Variants in HEXIM1 observed in about 807,000 individuals in gnomAD.
HEXIM1 encodes protein HEXIM1.
A neutral mutation model predicts 30.3 loss-of-function variants in HEXIM1; 1 was observed. That is an observed-to-expected ratio of 0.03 (90% CI 0.01 to 0.16). The LOEUF (loss-of-function observed/expected upper bound fraction) is 0.16, where lower values mean the gene tolerates loss of function less well. Ranked by LOEUF, HEXIM1 falls within the 10% of genes least tolerant of loss-of-function variation. HEXIM1 has a pLI of 1.00. For missense variants in HEXIM1, 391 were observed against 476.4 expected (o/e 0.82, Z 1.67); for synonymous variants, 245 against 208.3 (o/e 1.18, Z -1.52).
Position 45,152,079 on chromosome 17 carries a change from T to C in HEXIM1, c.*1809T>C, listed in dbSNP as rs969848678. On this transcript the variant is annotated 3_prime_UTR_variant, in exon 1 of 1. Coordinates refer to ENST00000332499, the MANE Select transcript of HEXIM1 (RefSeq NM_006460.3). ...GAGTTTTTCTTTGGTCTAAAAATTA[T>C]ATTAAACATTTATTTTGAAATAGTT... 6.0e-6 allele frequency: 1 copy of C among 167,056 alleles called. No individual in the cohort carries two copies. Among genetic ancestry groups the C allele is most frequent in the African/African-American group, 2.4e-5 (1 of 41,452 alleles). 10.3% of individuals were successfully genotyped at this position (167,056 alleles called of 1,614,324 possible).
In HEXIM1 at chr17:45,149,121, A is replaced by T; in HGVS notation, c.-70A>T. The T allele has an allele frequency of 1.4e-6, 2 of 1,397,592 alleles. No homozygotes were observed. Among genetic ancestry groups the T allele is most frequent in the Non-Finnish European group, 1.9e-6 (2 of 1,046,138 alleles). 86.6% of individuals were successfully genotyped at this position (1,397,592 alleles called of 1,614,324 possible). On this transcript the variant is annotated 5_prime_UTR_variant, in exon 1 of 1. It adds an upstream start codon to the 5' untranslated region. Coordinates refer to ENST00000332499, the MANE Select transcript of HEXIM1 (RefSeq NM_006460.3). The surrounding 1 kb of genome is among the most constrained non-coding windows in gnomAD (Gnocchi z 5.3). ...TTTTTTTTTCTTTTTCTTTTTTTTA[A>T]GAAAAACCCATTTTTTTCCTTAAGG...
chr17:45,148,571 G>A lies in HEXIM1; in HGVS notation c.-620G>A. 2.5e-6 allele frequency: 1 copy of A among 399,484 alleles called. No homozygotes were observed. Among genetic ancestry groups the A allele is most frequent in the Admixed American group, 4.4e-5 (1 of 22,726 alleles). 24.7% of individuals were successfully genotyped at this position (399,484 alleles called of 1,614,324 possible). On this transcript the variant is annotated 5_prime_UTR_variant, in exon 1 of 1. Transcript: ENST00000332499. Reference sequence around the variant, plus strand: ...GTGGGAAGGGGGAGGAGGGAGGGAGGAAAAGAGGAGGAGGCGGAGGAGAAC... The same window carrying A: ...GTGGGAAGGGGGAGGAGGGAGGGAGAAAAAGAGGAGGAGGCGGAGGAGAAC...
chr17:45,151,793 C>CA lies in HEXIM1; in HGVS notation c.*1526dup, dbSNP rs1331388371. On this transcript the variant is annotated 3_prime_UTR_variant, in exon 1 of 1. Transcript: ENST00000332499. ...AGGTTCAAGAGATTCATAAGATTGT[C>CA]AAACTCCTTGAAGGTTCAGAACCTC... 2 of 167,064 alleles carry CA rather than the reference C, an allele frequency of 1.2e-5. No homozygotes were observed. Among genetic ancestry groups the CA allele is most frequent in the Non-Finnish European group, 2.9e-5 (2 of 68,100 alleles). The allele number at this position is 167,064 out of a possible 1,614,324, so 10.3% of individuals were successfully genotyped here. A position where few individuals can be genotyped will look rare whatever the true frequency, so the allele number is the denominator to read the frequency against.
In HEXIM1 at chr17:45,150,956, C is replaced by T. The variant is rs1324683411; in HGVS notation, c.*686C>T. On this transcript the variant is annotated 3_prime_UTR_variant, in exon 1 of 1. Coordinates refer to ENST00000332499, the MANE Select transcript of HEXIM1 (RefSeq NM_006460.3). ...AACAAACCGGTATTGAGTGTTTAGG[C>T]GAGTGGAAAGTGGCTACAATCCAAA... 3 of 167,082 alleles carry T rather than the reference C, an allele frequency of 1.8e-5. No homozygotes were observed. The highest frequency in any genetic ancestry group is 1.9e-4 in the East Asian group (1 of 5,194). 10.3% of individuals were successfully genotyped at this position (167,082 alleles called of 1,614,324 possible). A position where few individuals can be genotyped will look rare whatever the true frequency, so the allele number is the denominator to read the frequency against.
chr17:45,149,092 CTG>C lies in HEXIM1; in HGVS notation c.-97_-96del. The C allele has an allele frequency of 8.2e-6, 10 of 1,212,822 alleles. No individual in the cohort carries two copies. Among genetic ancestry groups the C allele is most frequent in the South Asian group, 1.5e-5 (1 of 67,494 alleles). The allele number at this position is 1,212,822 out of a possible 1,614,324, so 75.1% of individuals were successfully genotyped here. A position where few individuals can be genotyped will look rare whatever the true frequency, so the allele number is the denominator to read the frequency against. On this transcript the variant is annotated 5_prime_UTR_variant, in exon 1 of 1. Coordinates refer to ENST00000332499, the MANE Select transcript of HEXIM1 (RefSeq NM_006460.3). The surrounding 1 kb of genome is among the most constrained non-coding windows in gnomAD (Gnocchi z 5.3). Reference sequence around the variant, plus strand: ...ACAAACTGAAGAGGACTCTGTTGGACTGTTTTTTTTTTCTTTTTCTTTTTTTT... The same window carrying C: ...ACAAACTGAAGAGGACTCTGTTGGACTTTTTTTTTTCTTTTTCTTTTTTTT...
In HEXIM1 at chr17:45,149,951, G is replaced by C. The variant is rs781539082; in HGVS notation, c.761G>C (p.Gly254Ala). Residue 254 changes from glycine to alanine, a missense_variant, in exon 1 of 1, where the codon GGG becomes GCG. By Grantham distance (60) the Gly-to-Ala change is moderately conservative. Coordinates refer to ENST00000332499, the MANE Select transcript of HEXIM1 (RefSeq NM_006460.3). The surrounding 1 kb of genome is among the most constrained non-coding windows in gnomAD (Gnocchi z 5.3). ...EGGEEDGGSD[G>A]MGGDGSEFLQ... ...GGTGAGGAGGATGGGGGCAGCGATG[G>C]GATGGGAGGGGACGGCAGCGAGTTT... 1.2e-6 allele frequency: 2 copies of C among 1,613,984 alleles called. No individual in the cohort carries two copies. The highest frequency in any genetic ancestry group is 3.3e-5 in the Admixed American group (2 of 60,012).
At position 45,148,783 on chromosome 17, in the gene HEXIM1, C is replaced by T; in HGVS notation, c.-408C>T. On this transcript the variant is annotated 5_prime_UTR_variant, in exon 1 of 1. Transcript: ENST00000332499. ...GGGATTTAACCCTTTGTGGATCTGGCCCCTCGGAGGCAGCGTCATCGGTAG... is the reference window on the plus strand; with the variant it reads ...GGGATTTAACCCTTTGTGGATCTGGTCCCTCGGAGGCAGCGTCATCGGTAG... 1 of 403,086 alleles carries T rather than the reference C, an allele frequency of 2.5e-6. No homozygotes were observed. Among genetic ancestry groups the T allele is most frequent in the Non-Finnish European group, 4.4e-6 (1 of 228,350 alleles). The allele number at this position is 403,086 out of a possible 1,614,324, so 25.0% of individuals were successfully genotyped here.
Position 45,149,396 on chromosome 17 carries a change from C to T in HEXIM1, c.206C>T (p.Ser69Phe), listed in dbSNP as rs1346533085. ...CCGGAGGGGGAAGGGAGCCTGGAAT[C>T]CCAACCACCTCCCTTGCAGACCCAG... The part of the protein sequence containing the change: ...PGPEGEGSLE[S>F]QPPPLQTQAC... Residue 69 changes from serine to phenylalanine, a missense_variant, in exon 1 of 1, where the codon TCC becomes TTC. Coordinates refer to ENST00000332499, the MANE Select transcript of HEXIM1 (RefSeq NM_006460.3). This position sits in a 1 kb window ranked among gnomAD's most constrained non-coding sequence, Gnocchi z 5.3. 1.9e-6 allele frequency: 3 copies of T among 1,613,366 alleles called. No individual in the cohort carries two copies. Among genetic ancestry groups the T allele is most frequent in the Non-Finnish European group, 2.5e-6 (3 of 1,179,932 alleles).
chr17:45,149,098 TTTTTTTC>T lies in HEXIM1; in HGVS notation c.-87_-81del. On this transcript the variant is annotated 5_prime_UTR_variant, in exon 1 of 1. Transcript: ENST00000332499. This position sits in a 1 kb window ranked among gnomAD's most constrained non-coding sequence, Gnocchi z 5.3. ...TGAAGAGGACTCTGTTGGACTGTTT[TTTTTTTC>T]TTTTTCTTTTTTTTAAGAAAAACCC... The T allele has an allele frequency of 7.9e-7, 1 of 1,269,962 alleles. No homozygotes were observed. The highest frequency in any genetic ancestry group is 1.1e-6 in the Non-Finnish European group (1 of 939,438). 78.7% of individuals were successfully genotyped at this position (1,269,962 alleles called of 1,614,324 possible).
At position 45,150,922 on chromosome 17, in the gene HEXIM1, G is replaced by A. The variant is rs1412015214; in HGVS notation, c.*652G>A. On this transcript the variant is annotated 3_prime_UTR_variant, in exon 1 of 1. Transcript: ENST00000332499. ...TGCCTTGGTTTTCTTTCTTGATGCT[G>A]GAAAAATAAACAAACCGGTATTGAG... The A allele has an allele frequency of 6.0e-6, 1 of 166,932 alleles. No homozygotes were observed. The highest frequency in any genetic ancestry group is 1.9e-4 in the East Asian group (1 of 5,208). The allele number at this position is 166,932 out of a possible 1,614,324, so 10.3% of individuals were successfully genotyped here. A position where few individuals can be genotyped will look rare whatever the true frequency, so the allele number is the denominator to read the frequency against.
chr17:45,149,676 G>A lies in HEXIM1; in HGVS notation c.486G>A (p.Arg162=), dbSNP rs925151349. The A allele has an allele frequency of 6.2e-7, 1 of 1,612,324 alleles. No individual in the cohort carries two copies. The highest frequency in any genetic ancestry group is 1.7e-5 in the Admixed American group (1 of 59,992). ...GGAGACGCCCGTCCAAGAAGAAGCG[G>A]CATTGGAAACCGTACTACAAGCTGA... The part of the protein sequence containing the change: ...KHRRRPSKKK[R]HWKPYYKLTW... The change falls in exon 1 of 1, where the codon CGG becomes CGA. Residue 162 remains arginine, a synonymous_variant. Coordinates refer to ENST00000332499, the MANE Select transcript of HEXIM1 (RefSeq NM_006460.3). This position sits in a 1 kb window ranked among gnomAD's most constrained non-coding sequence, Gnocchi z 5.3.
rs1370086029 is a variant in HEXIM1 at position 45,150,810 on chromosome 17, G to C, written c.*540G>C. On this transcript the variant is annotated 3_prime_UTR_variant, in exon 1 of 1. Coordinates refer to ENST00000332499, the MANE Select transcript of HEXIM1 (RefSeq NM_006460.3). ...TTTTCAATTTGCCAATTTTTTCCTT[G>C]AATGGGTTTAAGTATGCTACAATAT... 2 of 169,254 alleles carry C rather than the reference G, an allele frequency of 1.2e-5. No individual in the cohort carries two copies. Among genetic ancestry groups the C allele is most frequent in the African/African-American group, 4.8e-5 (2 of 41,398 alleles). 10.5% of individuals were successfully genotyped at this position (169,254 alleles called of 1,614,324 possible). A position where few individuals can be genotyped will look rare whatever the true frequency, so the allele number is the denominator to read the frequency against.
At position 45,150,348 on chromosome 17, in the gene HEXIM1, A is replaced by G. The variant is rs1384866151; in HGVS notation, c.*78A>G. On this transcript the variant is annotated 3_prime_UTR_variant, in exon 1 of 1. Coordinates refer to ENST00000332499, the MANE Select transcript of HEXIM1 (RefSeq NM_006460.3). ...TGTAACATTATATACATGTGTATAT[A>G]AGACAGTGGACCTTTTTATGACACA... 6.7e-7 allele frequency: 1 copy of G among 1,496,194 alleles called. No individual in the cohort carries two copies. The highest frequency in any genetic ancestry group is 2.1e-5 in the Admixed American group (1 of 47,002). 92.7% of individuals were successfully genotyped at this position (1,496,194 alleles called of 1,614,324 possible).
chr17:45,150,272 C>T lies in HEXIM1; in HGVS notation c.*2C>T. 1 of 1,604,886 alleles carries T rather than the reference C, an allele frequency of 6.2e-7. No homozygotes were observed. The highest frequency in any genetic ancestry group is 8.5e-7 in the Non-Finnish European group (1 of 1,174,032). On this transcript the variant is annotated 3_prime_UTR_variant, in exon 1 of 1. Coordinates refer to ENST00000332499, the MANE Select transcript of HEXIM1 (RefSeq NM_006460.3). ...CCGCTTTCCAAGTTTGGAGACTAGACTGAAACTTTTTTGGGGGAGGGGGCA... is the reference window on the plus strand; with the variant it reads ...CCGCTTTCCAAGTTTGGAGACTAGATTGAAACTTTTTTGGGGGAGGGGGCA...
At position 45,151,563 on chromosome 17, in the gene HEXIM1, A is replaced by G. The variant is rs995115384; in HGVS notation, c.*1293A>G. Reference sequence around the variant, plus strand: ...CTAAATTTTGCCCCAAAATAAAAACAGAAATTATGAGATTGCCTCCTGTCA... The same window carrying G: ...CTAAATTTTGCCCCAAAATAAAAACGGAAATTATGAGATTGCCTCCTGTCA... On this transcript the variant is annotated 3_prime_UTR_variant, in exon 1 of 1. Transcript: ENST00000332499. The G allele has an allele frequency of 7.8e-5, 13 of 167,100 alleles. No homozygotes were observed. The highest frequency in any genetic ancestry group is 2.6e-4 in the Admixed American group (4 of 15,278). 10.4% of individuals were successfully genotyped at this position (167,100 alleles called of 1,614,324 possible).
Position 45,149,099 on chromosome 17 carries a change from T to G in HEXIM1, c.-92T>G. The G allele has an allele frequency of 6.3e-6, 8 of 1,274,848 alleles. No individual in the cohort carries two copies. The highest frequency in any genetic ancestry group is 5.8e-5 in the South Asian group (4 of 68,970). The allele number at this position is 1,274,848 out of a possible 1,614,324, so 79.0% of individuals were successfully genotyped here. On this transcript the variant is annotated 5_prime_UTR_variant, in exon 1 of 1. Coordinates refer to ENST00000332499, the MANE Select transcript of HEXIM1 (RefSeq NM_006460.3). The surrounding 1 kb of genome is among the most constrained non-coding windows in gnomAD (Gnocchi z 5.3). The stretch of plus-strand genomic sequence containing the variant: ...GAAGAGGACTCTGTTGGACTGTTTT[T>G]TTTTTCTTTTTCTTTTTTTTAAGAA...
At position 45,149,872 on chromosome 17, in the gene HEXIM1, C is replaced by A. The variant is rs1404212859; in HGVS notation, c.682C>A (p.Arg228=). ...PDLKTGLYSK[R]AAAKSDDTSD... ...TCTCAAAACCGGCCTGTACTCCAAG[C>A]GGGCCGCCGCCAAATCCGACGACAC... Residue 228 remains arginine, a synonymous_variant, in exon 1 of 1, where the codon CGG becomes AGG. Coordinates refer to ENST00000332499, the MANE Select transcript of HEXIM1 (RefSeq NM_006460.3). The surrounding 1 kb of genome is among the most constrained non-coding windows in gnomAD (Gnocchi z 5.3). 1 of 1,613,588 alleles carries A rather than the reference C, an allele frequency of 6.2e-7. No homozygotes were observed. The highest frequency in any genetic ancestry group is 1.3e-5 in the African/African-American group (1 of 74,954).
chr17:45,148,955 C>A lies in HEXIM1; in HGVS notation c.-236C>A, dbSNP rs986122663. On this transcript the variant is annotated 5_prime_UTR_variant, in exon 1 of 1. Coordinates refer to ENST00000332499, the MANE Select transcript of HEXIM1 (RefSeq NM_006460.3). ...GTTCCTGCCGCTGCACCCCCTTGGA[C>A]CCGCTAGCTGGCCGCACTGTGGGCG... is the stretch of plus-strand genomic sequence containing the variant. 2 of 519,240 alleles carry A rather than the reference C, an allele frequency of 3.9e-6. No individual in the cohort carries two copies. The highest frequency in any genetic ancestry group is 6.7e-6 in the Non-Finnish European group (2 of 297,126). 32.2% of individuals were successfully genotyped at this position (519,240 alleles called of 1,614,324 possible). A position where few individuals can be genotyped will look rare whatever the true frequency, so the allele number is the denominator to read the frequency against.
rs1295879661 is a variant in HEXIM1 at position 45,148,916 on chromosome 17, G to GCCCATTACGTACC, written c.-263_-262insCCCCATTACGTAC. 4 of 452,756 alleles carry GCCCATTACGTACC rather than the reference G, an allele frequency of 8.8e-6. No individual in the cohort carries two copies. Among genetic ancestry groups the GCCCATTACGTACC allele is most frequent in the Non-Finnish European group, 1.2e-5 (3 of 257,376 alleles). The allele number at this position is 452,756 out of a possible 1,614,324, so 28.0% of individuals were successfully genotyped here. A position where few individuals can be genotyped will look rare whatever the true frequency, so the allele number is the denominator to read the frequency against. On this transcript the variant is annotated 5_prime_UTR_variant, in exon 1 of 1. Transcript: ENST00000332499. ...GCTTGGAGGTTTGAGGCCCACCTCC[G>GCCCATTACGTACC]CCCATTACGTACTGTTCCTGCCGCT...
Sources: gnomAD v4.1 joint callset for allele counts on GRCh38, gnomAD v4.1.1 for gene constraint, Gnocchi (gnomAD v3.1) non-coding constraint, MANE v1.5 for transcripts, NCBI Gene and HGNC (gene_info 2026-07-23, HGNC 2026-07-21) for gene names.